Variants in GDAP1 observed in about 807,000 individuals in gnomAD.
GDAP1 encodes ganglioside-induced differentiation-associated protein 1.
A neutral mutation model predicts 40.1 loss-of-function variants in GDAP1; 34 were observed. That is an observed-to-expected ratio of 0.85 (90% CI 0.64 to 1.13). GDAP1 has a LOEUF of 1.13. Among genes scored for constraint, GDAP1 ranks in the 50% most tolerant of loss-of-function variants. GDAP1 has a pLI of 0.00. For missense variants in GDAP1, 374 were observed against 433.7 expected (o/e 0.86, Z 1.22); for synonymous variants, 170 against 157.4 (o/e 1.08, Z -0.60).
At chr8:74,444,599 A>G (rs1046315302) in intron 2 of GDAP1, among the ~76,000 whole-genome samples, 2 of 152,218 alleles carry the variant, frequency 1.3e-5, no homozygotes, top group Admixed American at 1.3e-4. Context: ...TCAATTAAAG[A>G]TCTGTAAAAT....
chr8:74,402,257 G>T lies in GDAP1; in HGVS notation c.165+50936G>T, dbSNP rs557674792. On this transcript the variant is annotated intron_variant, in intron 2 of 2. Coordinates refer to the GDAP1 transcript ENST00000523640. Reference sequence around the variant, plus strand: ...GTTTACCTAAGCAAGCCTGGGCAATGGCGGGCGCCCCTCCCCCAGCCTCGC... The same window carrying T: ...GTTTACCTAAGCAAGCCTGGGCAATTGCGGGCGCCCCTCCCCCAGCCTCGC... 5.9e-3 allele frequency among the ~76,000 whole-genome samples: 895 copies of T among 150,594 alleles called. 89 individuals carry two copies. Among genetic ancestry groups the T allele is most frequent in the African/African-American group, 0.021 (835 of 39,858 alleles).
chr8:74,418,221 A>G (rs577229577), intron 2 of GDAP1, among the ~76,000 whole-genome samples: 20 of 152,258 alleles, frequency 1.3e-4, no homozygotes, highest in Non-Finnish European at 2.6e-4. Flanking sequence ...AAGAACTACA[A>G]TAGCCAAAAC....
intron 2 of GDAP1, among the ~76,000 whole-genome samples, chr8:74,397,029 C>G (rs944449420): frequency 2.6e-5 from 4 of 152,154 alleles, no homozygotes; most frequent in Admixed American, 2.0e-4. Context: ...TGTTTCCTGA[C>G]TTTTTAATGA....
At position 74,351,277 on chromosome 8, in the gene GDAP1, C is replaced by T; in HGVS notation, c.121C>T (p.Arg41Cys). The change falls in exon 2 of 6, where the codon CGC becomes TGC. Residue 41 changes from arginine to cysteine, a missense_variant. By Grantham distance (180) the Arg-to-Cys change is radical. Coordinates refer to ENST00000220822, the MANE Select transcript of GDAP1 (RefSeq NM_018972.4). ...WTHSFSSQKVRLVIAEKALKC... is the reference protein window; with the variant it reads ...WTHSFSSQKVCLVIAEKALKC... ...TAACCAGTGTGAACTCTTCCAGGTG[C>T]GCTTGGTAATTGCTGAAAAGGCATT... 6.2e-7 allele frequency: 1 copy of T among 1,613,492 alleles called. No individual in the cohort carries two copies. The highest frequency in any genetic ancestry group is 8.5e-7 in the Non-Finnish European group (1 of 1,179,398).
chr8:74,362,545 C>T lies in GDAP1; in HGVS notation c.580-394C>T, dbSNP rs60710045. 8.1e-3 allele frequency among the ~76,000 whole-genome samples: 1,229 copies of T among 152,290 alleles called. 20 individuals are homozygous for T. Among genetic ancestry groups the T allele is most frequent in the African/African-American group, 0.028 (1,180 of 41,546 alleles). ...ACAGTCACTTGACTGACTCTCCACT[C>T]GCCGTTTAACTCCTTCACTCGGACT... On this transcript the variant is annotated intron_variant, in intron 4 of 5. Transcript: ENST00000220822.
downstream of GDAP1, among the ~76,000 whole-genome samples, chr8:74,368,766 C>T (rs570107539): frequency 1.3e-5 from 2 of 152,254 alleles, no homozygotes; most frequent in African/African-American, 2.4e-5. Flanking sequence ...CAATCTTGGC[C>T]CTATTGATAT....
chr8:74,438,175 CAGG>C (rs1806116866), intron 2 of GDAP1, among the ~76,000 whole-genome samples: 1 of 152,074 alleles, frequency 6.6e-6, no homozygotes, highest in South Asian at 2.1e-4. Context: ...GAGGCTGAGG[CAGG>C]AGAATTGCTT....
chr8:74,470,154 G>A (rs1478999510), intron 2 of GDAP1, among the ~76,000 whole-genome samples: 1 of 151,154 alleles, frequency 6.6e-6, no homozygotes, highest in East Asian at 1.9e-4. Flanking sequence ...AAAATTATTC[G>A]TTTCGTCCAA....
At chr8:74,373,704 C>T (rs964079680) in intron 2 of GDAP1, among the ~76,000 whole-genome samples, 1 of 152,282 alleles carries the variant, frequency 6.6e-6, no homozygotes, top group Non-Finnish European at 1.5e-5. Flanking sequence ...CATCTGCAAA[C>T]AGGGACAATT....
At chr8:74,401,813 G>T (rs1393815261) in intron 2 of GDAP1, among the ~76,000 whole-genome samples, 1 of 150,046 alleles carries the variant, frequency 6.7e-6, no homozygotes, top group Non-Finnish European at 1.5e-5. Flanking sequence ...GTTTGCTAGA[G>T]GTCCAGTCCA....
At chr8:74,442,481 A>G (rs933488081) in intron 2 of GDAP1, among the ~76,000 whole-genome samples, 1 of 152,190 alleles carries the variant, frequency 6.6e-6, no homozygotes, top group Non-Finnish European at 1.5e-5. Context: ...CAATTTTATT[A>G]AGGTCCCAAA....
At chr8:74,473,564 A>G (rs1586846192) in intron 2 of GDAP1, among the ~76,000 whole-genome samples, 1 of 151,986 alleles carries the variant, frequency 6.6e-6, no homozygotes. Flanking sequence ...TCCTTTCCTC[A>G]TTGCTTGCTT....
At chr8:74,441,093 A>G (rs1273505246) in intron 2 of GDAP1, among the ~76,000 whole-genome samples, 3 of 152,180 alleles carry the variant, frequency 2.0e-5, no homozygotes, top group East Asian at 1.9e-4. Context: ...TCTAACTTCA[A>G]ATTTACATTT....
intron 2 of GDAP1, among the ~76,000 whole-genome samples, chr8:74,351,988 A>G (rs762045898): frequency 6.6e-6 from 1 of 152,234 alleles, no homozygotes; most frequent in Non-Finnish European, 1.5e-5. Flanking sequence ...GCATTTAGGT[A>G]AATCATTTAT....
chr8:74,425,321 C>G (rs1805933994), intron 2 of GDAP1, among the ~76,000 whole-genome samples: 1 of 152,176 alleles, frequency 6.6e-6, no homozygotes, highest in Non-Finnish European at 1.5e-5. Context: ...TTATGATTAA[C>G]CTTAGCCTTG....
intron 2 of GDAP1, among the ~76,000 whole-genome samples, chr8:74,473,667 T>C (rs1240060752): frequency 2.6e-5 from 4 of 152,188 alleles, no homozygotes; most frequent in African/African-American, 9.7e-5. Context: ...GGCCTCTGTG[T>C]CTGTTTTTGT....
intron 2 of GDAP1, among the ~76,000 whole-genome samples, chr8:74,377,374 G>A (rs1480691597): frequency 6.6e-6 from 1 of 152,078 alleles, no homozygotes; most frequent in East Asian, 1.9e-4. Context: ...CAATAAAAAT[G>A]GGCAAAAGCT....
rs1394516240 is a variant in GDAP1 at position 74,401,908 on chromosome 8, T to A, written c.165+50587T>A. Among the ~76,000 whole-genome samples, 4 of 150,110 alleles carry A rather than the reference T, an allele frequency of 2.7e-5. No individual in the cohort carries two copies. In the East Asian group the frequency reaches 7.7e-4, roughly 29 times the overall value. ...GCGAATGCTGCTGTCTGATCGTTCCTCTGTAAGTTTTGTCTCAGAGGAGTA... is the reference window on the plus strand; with the variant it reads ...GCGAATGCTGCTGTCTGATCGTTCCACTGTAAGTTTTGTCTCAGAGGAGTA... On this transcript the variant is annotated intron_variant, in intron 2 of 2. Transcript: ENST00000523640.
At position 74,351,432 on chromosome 8, in the gene GDAP1, G is replaced by A. The variant is rs1808870145; in HGVS notation, c.276G>A (p.Gln92=). 3 of 1,613,886 alleles carry A rather than the reference G, an allele frequency of 1.9e-6. No homozygotes were observed. The highest frequency in any genetic ancestry group is 1.7e-5 in the Admixed American group (1 of 60,004). Residue 92 remains glutamine (Q), a synonymous_variant, in exon 2 of 6, where the codon CAG becomes CAA. Coordinates refer to ENST00000220822, the MANE Select transcript of GDAP1 (RefSeq NM_018972.4). ...HGENIICEAT[Q]IIDYLEQTFL... ...AAAACATAATTTGTGAGGCCACTCA[G>A]ATCATTGATTATCTTGAACAGACTT...
Sources: allele counts gnomAD v4.1 joint callset (sites outside exome capture counted in the v4.1 genomes callset), GRCh38; gene constraint gnomAD v4.1.1; transcripts MANE v1.5; gene names NCBI Gene and HGNC (gene_info 2026-07-23, HGNC 2026-07-21).